MAP7: variants seen among roughly 807,000 people sequenced by gnomAD.
MAP7 encodes microtubule associated protein 7.
In MAP7, 52 loss-of-function variants were observed where a neutral mutation model predicts 94.8. The observed-to-expected ratio is 0.55, with a 90% confidence interval of 0.44 to 0.69. The LOEUF (loss-of-function observed/expected upper bound fraction) is 0.69. MAP7 is among the 30% of genes least tolerant of loss of function. The pLI is 0.00. For synonymous variants in MAP7, 350 were observed against 357.0 expected (o/e 0.98, Z 0.22); for missense variants, 940 against 964.6 (o/e 0.97, Z 0.34).
chr6:136,507,544 G>A (rs7769499), intron 1 of MAP7, among the ~76,000 whole-genome samples: 39,831 of 148,712 alleles, frequency 0.27, 6,684 homozygotes, highest in African/African-American at 0.47. Context: ...AAATTTAAGA[G>A]AAGACATTTA....
chr6:136,478,060 G>C (rs1243825194), intron 1 of MAP7, among the ~76,000 whole-genome samples: 1 of 152,180 alleles, frequency 6.6e-6, no homozygotes, highest in African/African-American at 2.4e-5. Context: ...TGAATGACCA[G>C]TGGGTCAATG....
intron 1 of MAP7, among the ~76,000 whole-genome samples, chr6:136,432,639 T>G (rs934641679): frequency 8.5e-5 from 13 of 152,184 alleles, no homozygotes; most frequent in African/African-American, 3.1e-4. Context: ...AGGTCCTATA[T>G]GAAGTGCAAC....
chr6:136,444,851 T>C (rs1257423128), intron 1 of MAP7, among the ~76,000 whole-genome samples: 1 of 152,216 alleles, frequency 6.6e-6, no homozygotes, highest in Non-Finnish European at 1.5e-5. Flanking sequence ...ACATTAATCA[T>C]GCTACTTGAA....
chr6:136,453,723 G>A (rs1215598024), intron 1 of MAP7, among the ~76,000 whole-genome samples: 1 of 152,146 alleles, frequency 6.6e-6, no homozygotes, highest in Non-Finnish European at 1.5e-5. Context: ...TCCTTATGTT[G>A]ATATGGAGGT....
chr6:136,403,130 C>T (rs1487633035), intron 3 of MAP7, among the ~76,000 whole-genome samples: 1 of 152,002 alleles, frequency 6.6e-6, no homozygotes, highest in Admixed American at 6.5e-5. Flanking sequence ...TGGGGCTGTC[C>T]TACTTAGCCC....
chr6:136,478,403 C>A (rs1006032168), intron 1 of MAP7, among the ~76,000 whole-genome samples: 1 of 151,930 alleles, frequency 6.6e-6, no homozygotes, highest in Non-Finnish European at 1.5e-5. Context: ...GGCAAGACAG[C>A]AAGACCCTGT....
rs771613179 is a variant in MAP7 at position 136,489,118 on chromosome 6, G to T, written c.67+61224C>A. ...GGTGCTCATCTCCTTGAAAAACACC[G>T]CAAACCATTTCAAATAAGGACATAT... On this transcript the variant is annotated intron_variant, in intron 1 of 17. Coordinates refer to ENST00000354570, the MANE Select transcript of MAP7 (RefSeq NM_003980.6). 7.0e-4 allele frequency among the ~76,000 whole-genome samples: 106 copies of T among 151,892 alleles called. 1 individual carries two copies. Among genetic ancestry groups the T allele is most frequent in the Non-Finnish European group, 1.4e-3 (97 of 68,008 alleles).
At chr6:136,452,755 G>C (rs1477523610) in intron 1 of MAP7, among the ~76,000 whole-genome samples, 9 of 152,134 alleles carry the variant, frequency 5.9e-5, no homozygotes, top group African/African-American at 2.2e-4. Context: ...GTTTCACCAT[G>C]TTGGCCAGGC....
chr6:136,449,868 T>C (rs983211729), intron 1 of MAP7, among the ~76,000 whole-genome samples: 6 of 152,170 alleles, frequency 3.9e-5, no homozygotes, highest in African/African-American at 1.4e-4. Context: ...CAAAGGAACC[T>C]GAATAAATGC....
intron 4 of MAP7, among the ~76,000 whole-genome samples, chr6:136,388,839 T>C (rs1418791546): frequency 9.2e-5 from 14 of 152,146 alleles, no homozygotes; most frequent in Admixed American, 9.2e-4. Flanking sequence ...CGATACCATA[T>C]TTACCATACG....
intron 1 of MAP7, among the ~76,000 whole-genome samples, chr6:136,539,876 G>C (rs1829169421): frequency 3.3e-5 from 5 of 152,192 alleles, no homozygotes; most frequent in Admixed American, 2.6e-4. Context: ...GTACTCGGTA[G>C]GCTGAGGTAG....
rs1829202554 is a variant in MAP7, at chr6:136,540,349, A to T, written c.67+9993T>A. 2.6e-5 allele frequency among the ~76,000 whole-genome samples: 4 copies of T among 152,166 alleles called. No individual in the cohort carries two copies. The South Asian group carries it at 6.2e-4, about 24-fold the overall frequency. On this transcript the variant is annotated intron_variant, in intron 1 of 17. Transcript: ENST00000354570. Reference sequence around the variant, plus strand: ...AAAAGTATGTAATTTTCTACAAAATACTTTAATATCTACCCCAATTTAACC... The same window carrying T: ...AAAAGTATGTAATTTTCTACAAAATTCTTTAATATCTACCCCAATTTAACC...
In MAP7 at chr6:136,361,110, G is replaced by A. The variant is rs1792605298; in HGVS notation, c.1596C>T (p.Arg532=). The A allele has an allele frequency of 1.2e-6, 2 of 1,605,608 alleles. No individual in the cohort carries two copies. The highest frequency in any genetic ancestry group is 1.1e-5 in the South Asian group (1 of 91,050). ...CCCGGGCCTGCTCGGCTTCCAGCCT[G>A]CGCGACTCCTCCTCACGGCGAGTCG... The part of the protein sequence containing the change: ...ERTTRREEES[R]RLEAEQAREK... The change falls in exon 12 of 18, where the codon CGC becomes CGT. Residue 532 remains arginine (R), a synonymous_variant. Coordinates refer to ENST00000354570, the MANE Select transcript of MAP7 (RefSeq NM_003980.6).
intron 2 of MAP7, among the ~76,000 whole-genome samples, chr6:136,413,559 A>C (rs1419718727): frequency 2.0e-5 from 3 of 151,888 alleles, no homozygotes; most frequent in Non-Finnish European, 4.4e-5. Context: ...AATACAGTAG[A>C]GACAAATAGC....
At chr6:136,516,350 C>T (rs1197308358) in intron 1 of MAP7, among the ~76,000 whole-genome samples, 7 of 151,984 alleles carry the variant, frequency 4.6e-5, no homozygotes, top group Non-Finnish European at 1.0e-4. Context: ...TTTGTAGAGA[C>T]GGGGTCTCTG....
intron 1 of MAP7, among the ~76,000 whole-genome samples, chr6:136,479,023 TGAA>T (rs2128959371): frequency 2.2e-5 from 2 of 90,628 alleles, no homozygotes; most frequent in East Asian, 6.7e-4. Context: ...AAGAAGGAAA[TGAA>T]GAAAGAAAGA....
chr6:136,363,370 A>G (rs1300585410), intron 10 of MAP7, among the ~76,000 whole-genome samples: 1 of 152,224 alleles, frequency 6.6e-6, no homozygotes, highest in African/African-American at 2.4e-5. Context: ...GATGCTCACA[A>G]TTCTGCACCA....
At chr6:136,493,872 G>A (rs1305015906) in intron 1 of MAP7, among the ~76,000 whole-genome samples, 2 of 152,168 alleles carry the variant, frequency 1.3e-5, no homozygotes, top group African/African-American at 4.8e-5. Flanking sequence ...GCAAGGCAAC[G>A]TAAGTTGAAA....
intron 1 of MAP7, among the ~76,000 whole-genome samples, chr6:136,498,344 G>A (rs1481946146): frequency 6.6e-6 from 1 of 152,078 alleles, no homozygotes; most frequent in Non-Finnish European, 1.5e-5. Context: ...CGTACATAGA[G>A]TAGCACAAGT....
Sources: gnomAD v4.1 joint callset for allele counts (sites outside exome capture counted in the v4.1 genomes callset) on GRCh38, gnomAD v4.1.1 for gene constraint, MANE v1.5 for transcripts, NCBI Gene and HGNC (gene_info 2026-07-23, HGNC 2026-07-21) for gene names.